Variants in CTNNA3 observed in about 807,000 individuals in gnomAD.
CTNNA3 encodes catenin alpha 3.
A neutral mutation model predicts 95.7 loss-of-function variants in CTNNA3; 76 were observed. The observed-to-expected ratio is 0.79, with a 90% CI of 0.66 to 0.96. The LOEUF is 0.96. CTNNA3 is among the 40% of genes least tolerant of loss of function. CTNNA3 has a pLI of 0.00. For synonymous variants in CTNNA3, 431 were observed against 374.4 expected (o/e 1.15, Z -1.74); for missense variants, 1,191 against 1,089.8 (o/e 1.09, Z -1.31).
chr10:67,720,684 T>C (rs1481379170), intron 1 of CTNNA3, among the ~76,000 whole-genome samples: 1 of 152,168 alleles, frequency 6.6e-6, no homozygotes, highest in African/African-American at 2.4e-5. Flanking sequence ...CTGGGCATGG[T>C]GGCTCATGCC....
chr10:67,364,277 C>T (rs1843119003), intron 5 of CTNNA3, among the ~76,000 whole-genome samples: 1 of 152,126 alleles, frequency 6.6e-6, no homozygotes. Flanking sequence ...ATTCAACAGC[C>T]TTTTATGTCA....
chr10:66,667,051 A>G (rs957569999), intron 9 of CTNNA3, among the ~76,000 whole-genome samples: 1 of 152,102 alleles, frequency 6.6e-6, no homozygotes, highest in Non-Finnish European at 1.5e-5. Context: ...ATTAACCCCT[A>G]TTGAGTTTAT....
chr10:66,787,362 A>G (rs959013897), intron 7 of CTNNA3, among the ~76,000 whole-genome samples: 23 of 152,138 alleles, frequency 1.5e-4, no homozygotes, highest in African/African-American at 5.6e-4. Context: ...AAGAGAAAAT[A>G]TTATTAGAGT....
intron 9 of CTNNA3, among the ~76,000 whole-genome samples, chr10:66,660,993 T>C (rs1421049513): frequency 5.9e-5 from 9 of 152,298 alleles, no homozygotes; most frequent in African/African-American, 2.2e-4. Flanking sequence ...TGTGTTTTTG[T>C]TAGAGTTTGG....
At chr10:67,187,821 G>A (rs1862930688) in intron 6 of CTNNA3, among the ~76,000 whole-genome samples, 1 of 151,988 alleles carries the variant, frequency 6.6e-6, no homozygotes, top group Non-Finnish European at 1.5e-5. Context: ...CCTGAGTTCA[G>A]GCAATCCACC....
At chr10:67,323,341 T>C (rs569886078) in intron 5 of CTNNA3, among the ~76,000 whole-genome samples, 1 of 152,328 alleles carries the variant, frequency 6.6e-6, no homozygotes, top group South Asian at 2.1e-4. Context: ...AGGGTTTTTA[T>C]AGTTTTTGGT....
intron 2 of CTNNA3, among the ~76,000 whole-genome samples, chr10:67,640,081 G>A (rs369433887): frequency 3.3e-5 from 5 of 152,122 alleles, no homozygotes; most frequent in South Asian, 2.1e-4. Context: ...TTTGCAGATG[G>A]CATGATTGTA....
chr10:67,261,722 T>A (rs1866616636), intron 5 of CTNNA3, among the ~76,000 whole-genome samples: 1 of 152,188 alleles, frequency 6.6e-6, no homozygotes, highest in African/African-American at 2.4e-5. Flanking sequence ...ATATTTTTAT[T>A]GTCTCTATTT....
At chr10:66,068,920 T>A (rs73310119) in intron 15 of CTNNA3, among the ~76,000 whole-genome samples, 3,452 of 152,282 alleles carry the variant, frequency 0.023, 133 homozygotes, top group African/African-American at 0.079. Flanking sequence ...ATCCTGATTA[T>A]GCTATAAATC....
At chr10:66,103,739 A>G in intron 13 of CTNNA3, among the ~76,000 whole-genome samples, 1 of 152,170 alleles carries the variant, frequency 6.6e-6, no homozygotes, top group East Asian at 1.9e-4. Context: ...GAAATGGGCA[A>G]TGACAGCTGA....
chr10:67,182,533 T>G, intron 6 of CTNNA3, among the ~76,000 whole-genome samples: 1 of 151,950 alleles, frequency 6.6e-6, no homozygotes, highest in South Asian at 2.1e-4. Flanking sequence ...ATACAAAAAT[T>G]AATTCAAGAA....
At chr10:66,919,684 G>A (rs1265467381) in intron 7 of CTNNA3, among the ~76,000 whole-genome samples, 1 of 152,122 alleles carries the variant, frequency 6.6e-6, no homozygotes, top group Non-Finnish European at 1.5e-5. Flanking sequence ...ATAACCATAT[G>A]TGACCAGACA....
chr10:67,493,867 A>T (rs1838941827), intron 5 of CTNNA3, among the ~76,000 whole-genome samples: 1 of 152,198 alleles, frequency 6.6e-6, no homozygotes, highest in African/African-American at 2.4e-5. Flanking sequence ...GAAGGTTACC[A>T]TTGCTGCTGC....
At chr10:66,137,772 TC>T (rs1194108184) in intron 13 of CTNNA3, among the ~76,000 whole-genome samples, 1 of 151,696 alleles carries the variant, frequency 6.6e-6, no homozygotes, top group African/African-American at 2.4e-5. Context: ...CATGGCAAAA[TC>T]CCGACTCAAC....
chr10:66,814,644 C>T (rs1204550406), intron 7 of CTNNA3, among the ~76,000 whole-genome samples: 1 of 152,020 alleles, frequency 6.6e-6, no homozygotes, highest in East Asian at 1.9e-4. Context: ...TGCACCCGTA[C>T]TCCCAGTTAT....
Position 66,205,500 on chromosome 10 carries a change from A to G in CTNNA3, c.1884+74970T>C, listed in dbSNP as rs1010905618. Among the ~76,000 whole-genome samples, 5 of 151,998 alleles carry G rather than the reference A, an allele frequency of 3.3e-5. No individual in the cohort carries two copies. The East Asian group carries it at 9.6e-4, about 29-fold the overall frequency. On this transcript the variant is annotated intron_variant, in intron 13 of 17. Coordinates refer to ENST00000433211, the MANE Select transcript of CTNNA3 (RefSeq NM_013266.4). The stretch of plus-strand genomic sequence containing the variant: ...TTCAATCATTTTGCTTCTATAACTT[A>G]AGTTCTCAACTCCTAACTTAAGAAT...
intron 5 of CTNNA3, among the ~76,000 whole-genome samples, chr10:67,321,949 C>G (rs1235682119): frequency 6.6e-6 from 1 of 152,082 alleles, no homozygotes; most frequent in Admixed American, 6.5e-5. Context: ...TCACCTCCCT[C>G]CATACACACC....
intron 15 of CTNNA3, among the ~76,000 whole-genome samples, chr10:66,010,981 A>G (rs1024212791): frequency 6.6e-6 from 1 of 152,186 alleles, no homozygotes; most frequent in Non-Finnish European, 1.5e-5. Flanking sequence ...TTAGCAATGA[A>G]TAGGTTAATG....
At chr10:66,784,948 A>C (rs572575058) in intron 7 of CTNNA3, among the ~76,000 whole-genome samples, 1 of 152,312 alleles carries the variant, frequency 6.6e-6, no homozygotes, top group East Asian at 1.9e-4. Flanking sequence ...AAGAAATCTA[A>C]CTAGTGAAAG....
Sources: gnomAD v4.1 joint callset for allele counts (sites outside exome capture counted in the v4.1 genomes callset) on GRCh38, gnomAD v4.1.1 for gene constraint, MANE v1.5 for transcripts, NCBI Gene and HGNC (gene_info 2026-07-23, HGNC 2026-07-21) for gene names.